Variants in DCDC1 observed in about 807,000 individuals in gnomAD.
DCDC1 encodes the protein doublecortin domain containing 1, also known as doublecortin domain-containing protein 1.
Under a neutral mutation model 178.3 loss-of-function variants are expected in DCDC1, and 200 were observed. The ratio of observed to expected loss-of-function variants is 1.12; its 90% confidence interval spans 1.00 to 1.26. The LOEUF (loss-of-function observed/expected upper bound fraction) is 1.26, where lower values mean the gene tolerates loss of function less well. Ranked by LOEUF, DCDC1 falls within the 50% of genes most tolerant of loss-of-function variation. DCDC1 has a pLI of 0.00. For synonymous variants in DCDC1, 690 were observed against 604.8 expected, an observed-to-expected ratio of 1.14 and a Z score of -2.07; for missense variants, 1,983 against 1,749.2, an observed-to-expected ratio of 1.13 and a Z score of -2.38.
chr11:30,953,595 A>G (rs1948565858), intron 20 of DCDC1, among the ~76,000 whole-genome samples: 1 of 152,158 alleles, frequency 6.6e-6, no homozygotes, highest in Admixed American at 6.6e-5. Context: ...GGGAATTATA[A>G]TAAAGGTTCA....
chr11:31,219,446 C>T (rs576172626), intron 9 of DCDC1, among the ~76,000 whole-genome samples: 3 of 152,006 alleles, frequency 2.0e-5, no homozygotes, highest in East Asian at 1.9e-4. Flanking sequence ...TGAGCAGAGG[C>T]GGGACCTATG....
chr11:30,969,506 G>T (rs916320979), intron 20 of DCDC1, among the ~76,000 whole-genome samples: 3 of 152,110 alleles, frequency 2.0e-5, no homozygotes, highest in Non-Finnish European at 4.4e-5. Context: ...TAAATTTCTG[G>T]CATCTAGAAT....
At chr11:30,964,821 G>A (rs904787078) in intron 20 of DCDC1, among the ~76,000 whole-genome samples, 38 of 152,188 alleles carry the variant, frequency 2.5e-4, no homozygotes, top group African/African-American at 8.2e-4. Context: ...GGGCCAATAG[G>A]CAGAATGAAA....
chr11:31,334,464 T>C (rs548941137), intron 2 of DCDC1, among the ~76,000 whole-genome samples: 1 of 152,372 alleles, frequency 6.6e-6, no homozygotes, highest in Non-Finnish European at 1.5e-5. Context: ...AGAGGTGCTC[T>C]GGTTTTTAGA....
At chr11:31,093,681 C>A (rs979899858) in intron 16 of DCDC1, among the ~76,000 whole-genome samples, 2 of 152,186 alleles carry the variant, frequency 1.3e-5, no homozygotes, top group Admixed American at 6.5e-5. Context: ...TGTTGGTAAT[C>A]TACCAGGCTC....
chr11:30,901,468 A>G (rs771189948), intron 32 of DCDC1, among the ~76,000 whole-genome samples: 17 of 152,276 alleles, frequency 1.1e-4, no homozygotes, highest in Admixed American at 8.5e-4. Flanking sequence ...TGTGCTCTTA[A>G]TGACTGCCTG....
intron 1 of DCDC1, among the ~76,000 whole-genome samples, chr11:31,337,450 C>T (rs761889575): frequency 5.4e-4 from 82 of 152,208 alleles, no homozygotes; most frequent in Middle Eastern, 3.2e-3. Flanking sequence ...GGAAGGACTG[C>T]TTGAGTCCGG....
intron 8 of DCDC1, among the ~76,000 whole-genome samples, chr11:31,257,133 T>G (rs1247623999): frequency 6.6e-6 from 1 of 152,200 alleles, no homozygotes; most frequent in Non-Finnish European, 1.5e-5. Context: ...GAGTTCTACA[T>G]GCATGATGGT....
chr11:30,867,556 C>A (rs1488511335), intron 38 of DCDC1, among the ~76,000 whole-genome samples: 1 of 152,162 alleles, frequency 6.6e-6, no homozygotes, highest in Admixed American at 6.5e-5. Flanking sequence ...AAGAAACTTT[C>A]CCAAGACTGC....
intron 38 of DCDC1, among the ~76,000 whole-genome samples, chr11:30,868,154 C>T (rs939356724): frequency 3.3e-5 from 5 of 151,324 alleles, no homozygotes; most frequent in Non-Finnish European, 7.4e-5. Flanking sequence ...ATTCTTACAC[C>T]AAGACAAGGT....
chr11:31,155,098 C>A (rs1396172694), intron 9 of DCDC1, among the ~76,000 whole-genome samples: 2 of 152,166 alleles, frequency 1.3e-5, no homozygotes, highest in Non-Finnish European at 2.9e-5. Flanking sequence ...CATTTCTAAT[C>A]CTGTTCATTT....
chr11:30,939,258 G>A (rs766040963), intron 21 of DCDC1, among the ~76,000 whole-genome samples: 18 of 152,080 alleles, frequency 1.2e-4, no homozygotes, highest in Non-Finnish European at 2.2e-4. Flanking sequence ...GGGGAGCTGG[G>A]ACACCCAGAG....
intron 7 of DCDC1, among the ~76,000 whole-genome samples, chr11:31,267,665 G>A (rs773063257): frequency 2.6e-5 from 4 of 152,138 alleles, no homozygotes; most frequent in African/African-American, 4.8e-5. Flanking sequence ...AATTTCTTCA[G>A]TGACTACTGC....
At chr11:31,293,100 T>C (rs1233204801) in intron 6 of DCDC1, among the ~76,000 whole-genome samples, 3 of 152,168 alleles carry the variant, frequency 2.0e-5, no homozygotes, top group Admixed American at 6.6e-5. Flanking sequence ...GGATTAAATA[T>C]CTTATATGTA....
chr11:31,256,595 G>T (rs1303036447), intron 8 of DCDC1, among the ~76,000 whole-genome samples: 1 of 152,130 alleles, frequency 6.6e-6, no homozygotes, highest in Admixed American at 6.6e-5. Context: ...GCTTTTACAT[G>T]CAAGGGCTAT....
chr11:31,016,453 G>C (rs1406603592), intron 20 of DCDC1, among the ~76,000 whole-genome samples: 1 of 152,156 alleles, frequency 6.6e-6, no homozygotes, highest in Non-Finnish European at 1.5e-5. Flanking sequence ...TATGTGGAGA[G>C]GATTGACATG....
At chr11:31,044,714 T>C (rs1954714227) in intron 20 of DCDC1, among the ~76,000 whole-genome samples, 1 of 152,134 alleles carries the variant, frequency 6.6e-6, no homozygotes, top group Admixed American at 6.5e-5. Context: ...CAGATAACAG[T>C]CCAGCCTAGC....
At chr11:30,902,851 A>C (rs1054069436) in intron 32 of DCDC1, among the ~76,000 whole-genome samples, 1 of 152,194 alleles carries the variant, frequency 6.6e-6, no homozygotes, top group African/African-American at 2.4e-5. Flanking sequence ...TATTTAGCAG[A>C]CTGTCGTTTG....
intron 1 of DCDC1, among the ~76,000 whole-genome samples, chr11:31,360,412 G>A (rs890095760): frequency 1.3e-5 from 2 of 152,118 alleles, no homozygotes; most frequent in African/African-American, 2.4e-5. Flanking sequence ...ACCCCCAGTG[G>A]ATGCCTAAAA....
Sources: gnomAD v4.1 joint callset for allele counts (sites outside exome capture counted in the v4.1 genomes callset) on GRCh38, gnomAD v4.1.1 for gene constraint, MANE v1.5 for transcripts, NCBI Gene and HGNC (gene_info 2026-07-23, HGNC 2026-07-21) for gene names.